Variants in ANO3 observed in about 807,000 individuals in gnomAD.
The protein encoded by ANO3 is anoctamin-3.
A neutral mutation model predicts 144.8 loss-of-function variants in ANO3; 99 were observed. That is an observed-to-expected ratio of 0.68 (90% CI 0.58 to 0.81). The LOEUF (loss-of-function observed/expected upper bound fraction) is 0.81, where lower values mean the gene tolerates loss of function less well. ANO3 is among the 30% of genes least tolerant of loss of function. The pLI is 0.00. For missense variants in ANO3, 905 were observed against 1,202.2 expected (o/e 0.75, Z 3.66); for synonymous variants, 414 against 392.6 (o/e 1.05, Z -0.64).
chr11:26,415,366 A>G (rs955054174), intron 1 of ANO3, among the ~76,000 whole-genome samples: 6 of 152,072 alleles, frequency 3.9e-5, no homozygotes, highest in African/African-American at 9.7e-5. Flanking sequence ...TTTCCATGTT[A>G]TACCCTGATC....
chr11:26,554,655 C>A (rs1850032624), intron 13 of ANO3, among the ~76,000 whole-genome samples: 1 of 152,062 alleles, frequency 6.6e-6, no homozygotes, highest in Admixed American at 6.6e-5. Flanking sequence ...CTACCCAAGT[C>A]ACTGTGCATA....
chr11:26,215,988 T>C (rs1255698836), intron 1 of ANO3, among the ~76,000 whole-genome samples: 1 of 152,046 alleles, frequency 6.6e-6, no homozygotes, highest in Non-Finnish European at 1.5e-5. Context: ...TACTGTTTTT[T>C]ATATTCTTTT....
intron 1 of ANO3, among the ~76,000 whole-genome samples, chr11:26,279,995 G>T (rs1338625632): frequency 2.0e-5 from 3 of 152,142 alleles, no homozygotes; most frequent in African/African-American, 7.2e-5. Flanking sequence ...GATGATGCTT[G>T]TGAGTTTTCT....
chr11:26,650,377 G>T (rs373613747), intron 24 of ANO3, among the ~76,000 whole-genome samples: 5 of 152,262 alleles, frequency 3.3e-5, no homozygotes, highest in African/African-American at 9.6e-5. Context: ...AGATAGATGC[G>T]TGTTTGAATC....
intron 14 of ANO3, among the ~76,000 whole-genome samples, chr11:26,580,979 A>G (rs1851113784): frequency 6.6e-6 from 1 of 152,192 alleles, no homozygotes. Context: ...TTGCTGTGTC[A>G]GAAACTTACG....
intron 17 of ANO3, among the ~76,000 whole-genome samples, chr11:26,610,000 C>T (rs943287253): frequency 6.6e-6 from 1 of 152,256 alleles, no homozygotes; most frequent in Non-Finnish European, 1.5e-5. Context: ...CAAACTTCAC[C>T]TCCTGGGTTC....
Position 26,332,201 on chromosome 11 carries a change from T to C in ANO3, c.-75T>C. The C allele has an allele frequency of 6.2e-7, 1 of 1,613,616 alleles. No homozygotes were observed. The highest frequency in any genetic ancestry group is 8.5e-7 in the Non-Finnish European group (1 of 1,179,778). ...CGCTGAGGCTCCGGACCTTGGAGCGTCTAGAGTCTGGCTACTGTTCCTCCG... is the reference window on the plus strand; with the variant it reads ...CGCTGAGGCTCCGGACCTTGGAGCGCCTAGAGTCTGGCTACTGTTCCTCCG... On this transcript the variant is annotated 5_prime_UTR_variant, in exon 1 of 27. Coordinates refer to ENST00000256737, the MANE Select transcript of ANO3 (RefSeq NM_031418.4).
intron 17 of ANO3, among the ~76,000 whole-genome samples, chr11:26,605,959 T>C (rs1361334459): frequency 6.6e-6 from 1 of 152,176 alleles, no homozygotes; most frequent in Non-Finnish European, 1.5e-5. Context: ...TGATTTTAGT[T>C]ATTTCTTGCC....
intron 17 of ANO3, among the ~76,000 whole-genome samples, chr11:26,624,081 C>A (rs745572257): frequency 6.6e-6 from 1 of 152,158 alleles, no homozygotes; most frequent in Non-Finnish European, 1.5e-5. Flanking sequence ...CCACCGCGCC[C>A]GGCCAAAAAA....
intron 1 of ANO3, among the ~76,000 whole-genome samples, chr11:26,311,388 C>T (rs1854499279): frequency 6.6e-6 from 1 of 152,208 alleles, no homozygotes; most frequent in Non-Finnish European, 1.5e-5. Flanking sequence ...CCACATCTGT[C>T]TCCTGAAGAG....
intron 12 of ANO3, among the ~76,000 whole-genome samples, chr11:26,548,588 G>A (rs72875939): frequency 0.22 from 32,195 of 149,040 alleles, 3,642 homozygotes; most frequent in South Asian, 0.29. Context: ...ATATGTATAT[G>A]TATGTATAAG....
chr11:26,572,393 A>ATT, intron 14 of ANO3: 1 of 280,784 alleles, frequency 3.6e-6, no homozygotes, highest in Non-Finnish European at 5.3e-6. Context: ...CGGGTCATCA[A>ATT]TTTTTTTTTT....
intron 1 of ANO3, among the ~76,000 whole-genome samples, chr11:26,314,051 T>C (rs985787679): frequency 6.6e-6 from 1 of 152,096 alleles, no homozygotes; most frequent in Non-Finnish European, 1.5e-5. Context: ...AATACAGTGT[T>C]GTGGGCCCAC....
At chr11:26,467,645 G>C (rs902024059) in intron 4 of ANO3, among the ~76,000 whole-genome samples, 1 of 148,818 alleles carries the variant, frequency 6.7e-6, no homozygotes, top group South Asian at 2.2e-4. Context: ...ACTCCATTGT[G>C]TATATGTTCC....
chr11:26,361,674 C>A (rs890004886), intron 1 of ANO3, among the ~76,000 whole-genome samples: 5 of 152,090 alleles, frequency 3.3e-5, no homozygotes, highest in Non-Finnish European at 7.4e-5. Flanking sequence ...AATATTGTTC[C>A]AATTACTATG....
At chr11:26,340,126 TAGAC>T (rs113982392) in intron 1 of ANO3, among the ~76,000 whole-genome samples, 7 of 152,224 alleles carry the variant, frequency 4.6e-5, no homozygotes, top group African/African-American at 7.2e-5. Context: ...ATCGTACTCT[TAGAC>T]AGTTACTAGG....
At chr11:26,332,400 C>T (rs1456156289) in intron 1 of ANO3, 79 bp downstream of exon 1, 3 of 1,388,604 alleles carry the variant, frequency 2.2e-6, no homozygotes, top group African/African-American at 1.4e-5. Context: ...TAGGAGCATC[C>T]TTTGCAGGCT....
intron 17 of ANO3, among the ~76,000 whole-genome samples, chr11:26,612,750 G>A (rs1852134874): frequency 2.6e-5 from 4 of 152,020 alleles, no homozygotes; most frequent in African/African-American, 7.2e-5. Flanking sequence ...CATTTCTGAA[G>A]GATAGCTTTA....
chr11:26,332,101 T>A, upstream of ANO3: 1 of 1,479,770 alleles, frequency 6.8e-7, no homozygotes, highest in Non-Finnish European at 8.9e-7. Context: ...CGCGTTCCCA[T>A]GACAACGACA....
Sources: allele counts gnomAD v4.1 joint callset (sites outside exome capture counted in the v4.1 genomes callset), GRCh38; gene constraint gnomAD v4.1.1; transcripts MANE v1.5; gene names NCBI Gene and HGNC (gene_info 2026-07-23, HGNC 2026-07-21).